Variants in TLE1 observed in about 807,000 individuals in gnomAD.
TLE1 encodes the protein TLE family member 1, transcriptional corepressor.
In TLE1, 21 loss-of-function variants were observed where a neutral mutation model predicts 89.8. The ratio of observed to expected loss-of-function variants is 0.23; its 90% CI spans 0.17 to 0.34. TLE1 has a LOEUF of 0.34. TLE1 is among the 10% of genes least tolerant of loss of function. TLE1 has a pLI of 1.00. For missense variants in TLE1, 795 were observed against 1,031.2 expected (o/e 0.77, Z 3.14); for synonymous variants, 447 against 407.6 (o/e 1.10, Z -1.16).
rs559388557 is a variant in TLE1, at chr9:81,584,617, T to C, written c.2129-93A>G. ...GACTTAATCAAACTAAGAACATTTT[T>C]AATATATGAACTATCATGCCCTAAG... On this transcript the variant is annotated intron_variant, in intron 18 of 19. Transcript: ENST00000376499. The C allele has an allele frequency of 5.7e-5, 67 of 1,174,656 alleles. No homozygotes were observed. In the African/African-American group the frequency reaches 8.4e-4, roughly 15 times the overall value. 72.8% of individuals were successfully genotyped at this position (1,174,656 alleles called of 1,614,324 possible). A position where few individuals can be genotyped will look rare whatever the true frequency, so the allele number is the denominator to read the frequency against.
Position 81,620,509 on chromosome 9 carries a change from T to G in TLE1, c.643A>C (p.Arg215=). ...PDSLRGTDKR[R]NGPEFSNDIK... ...TCATTGGAAAATTCAGGTCCATTTC[T>G]GCGTTTATCTGTGCCTCTTAGACTG... is the stretch of plus-strand genomic sequence containing the variant. The change falls in exon 9 of 20, where the codon AGA becomes CGA. Residue 215 remains arginine (R), a synonymous_variant. Coordinates refer to ENST00000376499, the MANE Select transcript of TLE1 (RefSeq NM_005077.5). 6.2e-7 allele frequency: 1 copy of G among 1,614,144 alleles called. No homozygotes were observed. Among genetic ancestry groups the G allele is most frequent in the Non-Finnish European group, 8.5e-7 (1 of 1,180,024 alleles).
intron 12 of TLE1, among the ~76,000 whole-genome samples, chr9:81,613,168 G>A (rs1337739817): frequency 6.6e-6 from 1 of 152,254 alleles, no homozygotes; most frequent in Non-Finnish European, 1.5e-5. Flanking sequence ...AAAGCTGAAT[G>A]TAAACAGTTG....
chr9:81,676,959 G>A (rs555323713), intron 4 of TLE1, among the ~76,000 whole-genome samples: 7 of 152,308 alleles, frequency 4.6e-5, no homozygotes, highest in East Asian at 3.9e-4. Context: ...AAATTTGGCC[G>A]GGCATGGTGG....
chr9:81,661,890 C>A (rs1830841646), intron 4 of TLE1, among the ~76,000 whole-genome samples: 1 of 152,152 alleles, frequency 6.6e-6, no homozygotes, highest in African/African-American at 2.4e-5. Context: ...AATGATGAAG[C>A]ATCCTCAGGG....
intron 17 of TLE1, 79 bp from the exon 18 acceptor site, chr9:81,585,734 A>C: frequency 6.5e-7 from 1 of 1,531,254 alleles, no homozygotes. Flanking sequence ...AAAAGTGGGG[A>C]AATAGCAAGA....
chr9:81,687,473 G>A (rs778462154), intron 1 of TLE1, 39 bp from the exon 2 acceptor site: 38 of 1,501,046 alleles, frequency 2.5e-5, no homozygotes, highest in Middle Eastern at 3.4e-4. Context: ...GGACGGGAAT[G>A]CGGGCGGATG....
chr9:81,665,197 T>G (rs969585985), intron 4 of TLE1, among the ~76,000 whole-genome samples: 1 of 152,154 alleles, frequency 6.6e-6, no homozygotes, highest in East Asian at 1.9e-4. Context: ...AGGAACACAT[T>G]TGCCTTCTGT....
chr9:81,608,756 A>G (rs1191703419), intron 14 of TLE1, among the ~76,000 whole-genome samples: 2 of 151,850 alleles, frequency 1.3e-5, no homozygotes, highest in African/African-American at 2.4e-5. Flanking sequence ...GACCAATATG[A>G]TGAAACCCCA....
At chr9:81,591,726 G>T (rs1330385990) in intron 15 of TLE1, among the ~76,000 whole-genome samples, 1 of 152,110 alleles carries the variant, frequency 6.6e-6, no homozygotes, top group African/African-American at 2.4e-5. Context: ...TTAAGCACAT[G>T]ACTTCAACAA....
At chr9:81,669,505 T>G (rs757231008) in intron 4 of TLE1, among the ~76,000 whole-genome samples, 2 of 152,184 alleles carry the variant, frequency 1.3e-5, no homozygotes, top group Non-Finnish European at 2.9e-5. Context: ...AGCAGTACTG[T>G]AAAGTAGAAA....
chr9:81,651,799 T>A (rs966149582), intron 6 of TLE1, among the ~76,000 whole-genome samples: 6 of 152,062 alleles, frequency 3.9e-5, no homozygotes, highest in Non-Finnish European at 5.9e-5. Context: ...TGTCACAGGA[T>A]GAACTACATT....
intron 4 of TLE1, among the ~76,000 whole-genome samples, chr9:81,673,561 C>T (rs1490037390): frequency 1.3e-5 from 2 of 152,122 alleles, no homozygotes; most frequent in African/African-American, 4.8e-5. Context: ...GCAACTGCTC[C>T]TGCATTTGGT....
At chr9:81,663,104 C>G (rs1043949349) in intron 4 of TLE1, among the ~76,000 whole-genome samples, 4 of 152,110 alleles carry the variant, frequency 2.6e-5, no homozygotes, top group Non-Finnish European at 5.9e-5. Context: ...CCTCGGCCCC[C>G]CAAAGTGCTG....
chr9:81,600,192 T>A, intron 14 of TLE1: 1 of 664,648 alleles, frequency 1.5e-6, no homozygotes, highest in Non-Finnish European at 2.8e-6. Context: ...TATATTGCTA[T>A]TTCAAAGCTA....
intron 4 of TLE1, among the ~76,000 whole-genome samples, chr9:81,683,597 C>G (rs1476142141): frequency 6.6e-6 from 1 of 152,130 alleles, no homozygotes; most frequent in African/African-American, 2.4e-5. Flanking sequence ...GGATGTTTTT[C>G]AAATGTAAGT....
intron 4 of TLE1, among the ~76,000 whole-genome samples, chr9:81,659,942 C>T (rs1423575566): frequency 6.6e-6 from 1 of 152,130 alleles, no homozygotes; most frequent in Non-Finnish European, 1.5e-5. Context: ...CACTGAGAAG[C>T]TGCCTTTCCC....
At chr9:81,651,594 C>T (rs573947257) in intron 6 of TLE1, among the ~76,000 whole-genome samples, 1 of 152,208 alleles carries the variant, frequency 6.6e-6, no homozygotes, top group African/African-American at 2.4e-5. Flanking sequence ...CAAGAAAGAA[C>T]AAGAGCCAAC....
At chr9:81,596,122 G>A (rs752806476) in intron 14 of TLE1, among the ~76,000 whole-genome samples, 3 of 152,152 alleles carry the variant, frequency 2.0e-5, no homozygotes, top group South Asian at 2.1e-4. Context: ...TAGATGCACC[G>A]AGTAACAGAC....
At chr9:81,640,882 G>A (rs773385579) in intron 6 of TLE1, among the ~76,000 whole-genome samples, 3 of 152,172 alleles carry the variant, frequency 2.0e-5, no homozygotes, top group African/African-American at 4.8e-5. Context: ...TCTCCTGACC[G>A]GAAACTAAGC....
Sources: gnomAD v4.1 joint callset for allele counts (sites outside exome capture counted in the v4.1 genomes callset) on GRCh38, gnomAD v4.1.1 for gene constraint, MANE v1.5 for transcripts, NCBI Gene and HGNC (gene_info 2026-07-23, HGNC 2026-07-21) for gene names.